The following DENND5B variants were observed in gnomAD, a reference collection of about 807,000 sequenced individuals.
DENND5B encodes the protein DENN domain-containing protein 5B.
In DENND5B, 34 loss-of-function variants were observed where a neutral mutation model predicts 140.6. That is an observed-to-expected ratio of 0.24 (90% CI 0.18 to 0.32). DENND5B has a LOEUF of 0.32. Ranked by LOEUF, DENND5B falls within the 10% of genes least tolerant of loss-of-function variation. The pLI, the probability that DENND5B is intolerant of heterozygous loss-of-function variation, is 1.00. For synonymous variants in DENND5B, 551 were observed against 562.1 expected (o/e 0.98, Z 0.28); for missense variants, 1,142 against 1,560.2 (o/e 0.73, Z 4.52).
chr12:31,561,366 A>G (rs1949468686), intron 1 of DENND5B, among the ~76,000 whole-genome samples: 2 of 152,214 alleles, frequency 1.3e-5, no homozygotes, highest in Non-Finnish European at 2.9e-5. Context: ...GCACACACCT[A>G]TAATTCCAGC....
chr12:31,439,335 A>T (rs1043751171), intron 7 of DENND5B, among the ~76,000 whole-genome samples: 4 of 152,234 alleles, frequency 2.6e-5, no homozygotes, highest in African/African-American at 9.6e-5. Context: ...ATGGGAAACC[A>T]TAAGATTATA....
intron 4 of DENND5B, among the ~76,000 whole-genome samples, chr12:31,457,800 G>A (rs968790913): frequency 2.0e-4 from 30 of 151,260 alleles, no homozygotes; most frequent in Non-Finnish European, 4.0e-4. Context: ...TGCAAACTCC[G>A]CCTCCCGGGT....
chr12:31,427,559 TGGCGTCAC>T (rs1943302996), intron 8 of DENND5B, among the ~76,000 whole-genome samples: 2 of 149,468 alleles, frequency 1.3e-5, no homozygotes, highest in African/African-American at 2.5e-5. Flanking sequence ...TGAGTGGAGA[TGGCGTCAC>T]TGCACTCCAG....
chr12:31,486,310 T>C (rs773978683), intron 2 of DENND5B, among the ~76,000 whole-genome samples: 1 of 152,202 alleles, frequency 6.6e-6, no homozygotes, highest in Non-Finnish European at 1.5e-5. Context: ...CAAAGTACCA[T>C]CTTAGAAGCA....
At chr12:31,414,466 T>G (rs79489804) in intron 12 of DENND5B, among the ~76,000 whole-genome samples, 3,114 of 152,310 alleles carry the variant, frequency 0.02, 55 homozygotes, top group South Asian at 0.053. Context: ...TTTTCTTCTG[T>G]ACCTTCTTCG....
At chr12:31,424,456 T>G in intron 10 of DENND5B, 79 bp downstream of exon 10, 1 of 1,396,668 alleles carries the variant, frequency 7.2e-7, no homozygotes, top group East Asian at 2.4e-5. Context: ...TTTTTTTTAA[T>G]GACATATTTG....
chr12:31,412,934 T>C (rs1390553331), intron 13 of DENND5B, among the ~76,000 whole-genome samples: 1 of 152,172 alleles, frequency 6.6e-6, no homozygotes, highest in African/African-American at 2.4e-5. Flanking sequence ...TCCGGCCTTT[T>C]TTTTTTGAGA....
intron 1 of DENND5B, chr12:31,534,798 C>A (rs1948423527): frequency 1.4e-5 from 6 of 443,598 alleles, no homozygotes; most frequent in South Asian, 1.1e-4. Flanking sequence ...ATATCAAATG[C>A]CGTTTCTTTG....
chr12:31,512,263 G>A (rs1036421868), intron 1 of DENND5B, among the ~76,000 whole-genome samples: 1 of 151,756 alleles, frequency 6.6e-6, no homozygotes, highest in Non-Finnish European at 1.5e-5. Context: ...ACCCGGGTTG[G>A]CATGTGGTGG....
chr12:31,494,643 C>T (rs1465849416), intron 2 of DENND5B, among the ~76,000 whole-genome samples: 3 of 152,176 alleles, frequency 2.0e-5, no homozygotes, highest in Non-Finnish European at 4.4e-5. Flanking sequence ...TGGGCCAAGT[C>T]TTCATTTGCA....
Position 31,574,295 on chromosome 12 carries a change from A to ATTATTATT in DENND5B, c.127+16410_127+16411insAATAATAA, listed in dbSNP as rs1949931376. 1.9e-3 allele frequency among the ~76,000 whole-genome samples: 273 copies of ATTATTATT among 144,592 alleles called. 2 individuals carry two copies. The highest frequency in any genetic ancestry group is 6.3e-3 in the African/African-American group (250 of 39,616). 94.9% of individuals were successfully genotyped at this position (144,592 alleles called of 152,430 possible). A position where few individuals can be genotyped will look rare whatever the true frequency, so the allele number is the denominator to read the frequency against. Reference sequence around the variant, plus strand: ...TAATAATAATAATAATAATAATAATAATTTAAAAGGGAGGTGGCCAGGCGC... The same window carrying ATTATTATT: ...TAATAATAATAATAATAATAATAATATTATTATTATTTAAAAGGGAGGTGGCCAGGCGC... On this transcript the variant is annotated intron_variant, in intron 1 of 20. Coordinates refer to ENST00000389082, the MANE Select transcript of DENND5B (RefSeq NM_144973.4).
chr12:31,437,072 T>A (rs955049862), intron 7 of DENND5B, among the ~76,000 whole-genome samples: 38 of 151,896 alleles, frequency 2.5e-4, no homozygotes, highest in African/African-American at 8.7e-4. Context: ...TTCTATAAAA[T>A]CTCCTCTAGA....
At chr12:31,421,089 G>A (rs1441358818) in intron 11 of DENND5B, among the ~76,000 whole-genome samples, 2 of 152,096 alleles carry the variant, frequency 1.3e-5, no homozygotes, top group East Asian at 3.8e-4. Flanking sequence ...CATTGCCCAG[G>A]CTGGAGTACA....
intron 4 of DENND5B, among the ~76,000 whole-genome samples, chr12:31,457,450 A>G (rs1287009800): frequency 2.0e-5 from 3 of 152,220 alleles, no homozygotes; most frequent in Non-Finnish European, 4.4e-5. Flanking sequence ...TTTTGTAACT[A>G]TGTTTAGAAG....
At chr12:31,412,130 T>G (rs1408162821) in intron 13 of DENND5B, among the ~76,000 whole-genome samples, 2 of 152,124 alleles carry the variant, frequency 1.3e-5, no homozygotes, top group African/African-American at 2.4e-5. Context: ...TTATTTTTTG[T>G]AGAGACAGGG....
intron 3 of DENND5B, among the ~76,000 whole-genome samples, chr12:31,463,662 TATTA>T (rs1234909422): frequency 2.0e-5 from 3 of 152,110 alleles, no homozygotes; most frequent in Admixed American, 2.0e-4. Context: ...CCACACACAT[TATTA>T]ATTTTTTTTT....
intron 1 of DENND5B, among the ~76,000 whole-genome samples, chr12:31,563,399 T>C (rs1379812700): frequency 6.6e-6 from 1 of 152,098 alleles, no homozygotes; most frequent in African/African-American, 2.4e-5. Context: ...CTAACCTCCT[T>C]TGGGGGTAAA....
chr12:31,403,834 T>C (rs1158137894), intron 14 of DENND5B, among the ~76,000 whole-genome samples: 1 of 132,602 alleles, frequency 7.5e-6, no homozygotes, highest in Admixed American at 9.1e-5. Flanking sequence ...AGGCAGAGGT[T>C]GCAGCGAGCC....
chr12:31,389,875 C>T (rs56183451), intron 19 of DENND5B, among the ~76,000 whole-genome samples: 1 of 151,950 alleles, frequency 6.6e-6, no homozygotes, highest in African/African-American at 2.4e-5. Flanking sequence ...GTTCTAGTTA[C>T]AGAATGACTT....
Sources: gnomAD v4.1 joint callset for allele counts (sites outside exome capture counted in the v4.1 genomes callset) on GRCh38, gnomAD v4.1.1 for gene constraint, MANE v1.5 for transcripts, NCBI Gene and HGNC (gene_info 2026-07-23, HGNC 2026-07-21) for gene names.